The following NEDD4 variants were observed in gnomAD, a reference collection of about 807,000 sequenced individuals.
NEDD4 encodes NEDD4 E3 ubiquitin protein ligase.
Under a neutral mutation model 144.9 loss-of-function variants are expected in NEDD4, and 99 were observed. The ratio of observed to expected loss-of-function variants is 0.68; its 90% CI spans 0.58 to 0.81. The LOEUF (loss-of-function observed/expected upper bound fraction) is 0.81, where lower values mean the gene tolerates loss of function less well. NEDD4 is among the 30% of genes least tolerant of loss of function. The pLI, the probability that NEDD4 is intolerant of heterozygous loss-of-function variation, is 0.00. For synonymous variants in NEDD4, 318 were observed against 350.6 expected, an observed-to-expected ratio of 0.91 and a Z score of 1.04; for missense variants, 985 against 1,065.9, an observed-to-expected ratio of 0.92 and a Z score of 1.06.
chr15:55,976,070 TATCC>T (rs2037695048), intron 1 of NEDD4, among the ~76,000 whole-genome samples: 1 of 152,196 alleles, frequency 6.6e-6, no homozygotes, highest in Non-Finnish European at 1.5e-5. Context: ...GAAAACTGGA[TATCC>T]ATATATAGAA....
chr15:55,838,245 T>G lies in NEDD4; in HGVS notation c.2128-65A>C, dbSNP rs1238448528. 2.6e-6 allele frequency: 3 copies of G among 1,132,242 alleles called. No homozygotes were observed. In the Admixed American group the frequency reaches 7.8e-5, roughly 30 times the overall value. 70.1% of individuals were successfully genotyped at this position (1,132,242 alleles called of 1,614,324 possible). A position where few individuals can be genotyped will look rare whatever the true frequency, so the allele number is the denominator to read the frequency against. On this transcript the variant is annotated intron_variant, in intron 22 of 28. Coordinates refer to ENST00000435532, the MANE Select transcript of NEDD4 (RefSeq NM_006154.4). The stretch of plus-strand genomic sequence containing the variant: ...AGAAAAATTTAAAAAGTATACATAT[T>G]GTAGTTATACGAGAAACTTGGTGTT...
chr15:55,958,143 T>C (rs1407511663), intron 2 of NEDD4, among the ~76,000 whole-genome samples: 2 of 152,236 alleles, frequency 1.3e-5, no homozygotes, highest in African/African-American at 4.8e-5. Context: ...TGTCTTCTTT[T>C]ATTCTATTAA....
intron 5 of NEDD4, among the ~76,000 whole-genome samples, chr15:55,903,451 T>C (rs1221987360): frequency 1.3e-5 from 2 of 152,186 alleles, no homozygotes; most frequent in Non-Finnish European, 2.9e-5. Context: ...ATAATCACTA[T>C]CTCAGACAGT....
intron 13 of NEDD4, among the ~76,000 whole-genome samples, chr15:55,851,358 A>G (rs1411067125): frequency 2.6e-5 from 4 of 151,128 alleles, no homozygotes; most frequent in African/African-American, 9.7e-5. Flanking sequence ...TTACAGGGCC[A>G]CAACATCAAT....
chr15:55,915,183 G>A, intron 5 of NEDD4: 1 of 1,106,108 alleles, frequency 9.0e-7, no homozygotes, highest in East Asian at 2.6e-5. Context: ...TAAGGACCAG[G>A]AAAATATGTA....
chr15:55,895,542 CCTAAT>C (rs1184509543), intron 5 of NEDD4, among the ~76,000 whole-genome samples: 4 of 152,230 alleles, frequency 2.6e-5, no homozygotes, highest in African/African-American at 7.2e-5. Flanking sequence ...CTGTGCCCAA[CCTAAT>C]CTAGAGTTTC....
intron 2 of NEDD4, among the ~76,000 whole-genome samples, chr15:55,960,330 A>G (rs1451013142): frequency 6.6e-6 from 1 of 152,222 alleles, no homozygotes; most frequent in Non-Finnish European, 1.5e-5. Context: ...CCATCTAATC[A>G]GCTGCCAGGG....
Position 55,835,901 on chromosome 15 carries a change from T to C in NEDD4, c.2263-1615A>G, listed in dbSNP as rs114699141. ...CTTATTGGTTAATAGCCTTTAATGC[T>C]ACCTTCCTTCTCCCTCATTGAAATT... On this transcript the variant is annotated intron_variant, in intron 24 of 28. Coordinates refer to ENST00000435532, the MANE Select transcript of NEDD4 (RefSeq NM_006154.4). Among the ~76,000 whole-genome samples, 453 of 152,296 alleles carry C rather than the reference T, an allele frequency of 3.0e-3. 3 individuals are homozygous for C. Among genetic ancestry groups the C allele is most frequent in the African/African-American group, 0.01 (429 of 41,572 alleles).
intron 5 of NEDD4, chr15:55,915,878 A>G: frequency 6.2e-7 from 1 of 1,614,006 alleles, no homozygotes; most frequent in Non-Finnish European, 8.5e-7. Flanking sequence ...CTGTTGAAAG[A>G]AATCCTTTAG....
intron 5 of NEDD4, among the ~76,000 whole-genome samples, chr15:55,885,312 A>C (rs545555279): frequency 5.3e-5 from 8 of 152,338 alleles, no homozygotes; most frequent in African/African-American, 1.9e-4. Context: ...GGAGTTCTTC[A>C]GTCTGAAAGA....
At chr15:55,896,965 A>C (rs2035757386) in intron 5 of NEDD4, among the ~76,000 whole-genome samples, 1 of 151,932 alleles carries the variant, frequency 6.6e-6, no homozygotes, top group Admixed American at 6.6e-5. Context: ...TAAAATATTA[A>C]ATATGATTAT....
intron 4 of NEDD4, among the ~76,000 whole-genome samples, chr15:55,938,662 T>C (rs916725413): frequency 2.6e-5 from 4 of 151,830 alleles, no homozygotes; most frequent in Non-Finnish European, 5.9e-5. Flanking sequence ...ATCAACAAAG[T>C]GAAAAGGCAC....
At position 55,865,197 on chromosome 15, in the gene NEDD4, C is replaced by CAAA. The variant is rs34140490; in HGVS notation, c.508-2121_508-2119dup. On this transcript the variant is annotated intron_variant, in intron 8 of 28. Coordinates refer to ENST00000435532, the MANE Select transcript of NEDD4 (RefSeq NM_006154.4). ...TGGGCGATAGAGCAAGACTCTGTCT[C>CAAA]AAAAAAAAAAAAAAAAAAAAACTTT... 7.0e-4 allele frequency among the ~76,000 whole-genome samples: 59 copies of CAAA among 84,730 alleles called. 1 individual carries two copies. Among genetic ancestry groups the CAAA allele is most frequent in the African/African-American group, 2.0e-3 (41 of 20,312 alleles). 55.6% of individuals were successfully genotyped at this position (84,730 alleles called of 152,430 possible). A position where few individuals can be genotyped will look rare whatever the true frequency, so the allele number is the denominator to read the frequency against.
chr15:55,929,955 G>C (rs1225243980), intron 4 of NEDD4, among the ~76,000 whole-genome samples: 3 of 152,078 alleles, frequency 2.0e-5, no homozygotes, highest in Non-Finnish European at 4.4e-5. Flanking sequence ...AATTAAAATA[G>C]AAGTGCTTTA....
intron 2 of NEDD4, among the ~76,000 whole-genome samples, chr15:55,965,804 C>G (rs1313808518): frequency 6.6e-6 from 1 of 151,980 alleles, no homozygotes; most frequent in Non-Finnish European, 1.5e-5. Flanking sequence ...TGGGTTCAAG[C>G]GATTTCTGGA....
intron 18 of NEDD4, among the ~76,000 whole-genome samples, chr15:55,845,217 C>T (rs1440172755): frequency 6.6e-6 from 1 of 152,102 alleles, no homozygotes; most frequent in African/African-American, 2.4e-5. Context: ...ACCTTTGTTG[C>T]ATTCTGGGTA....
chr15:55,956,376 T>C (rs1167799817), intron 2 of NEDD4, among the ~76,000 whole-genome samples: 1 of 152,204 alleles, frequency 6.6e-6, no homozygotes, highest in Non-Finnish European at 1.5e-5. Flanking sequence ...CACGTAAACT[T>C]TGTGTAACCC....
intron 2 of NEDD4, among the ~76,000 whole-genome samples, chr15:55,955,064 A>G (rs558900415): frequency 6.7e-6 from 1 of 150,116 alleles, no homozygotes; most frequent in Middle Eastern, 3.4e-3. Flanking sequence ...AACGTTGCCC[A>G]GGCTGGAGTG....
intron 12 of NEDD4, among the ~76,000 whole-genome samples, chr15:55,855,288 A>G (rs1316554543): frequency 6.6e-6 from 1 of 152,182 alleles, no homozygotes; most frequent in Non-Finnish European, 1.5e-5. Context: ...TGCCATTCAA[A>G]GTTCCAGATG....
Sources: gnomAD v4.1 joint callset for allele counts (sites outside exome capture counted in the v4.1 genomes callset) on GRCh38, gnomAD v4.1.1 for gene constraint, MANE v1.5 for transcripts, NCBI Gene and HGNC (gene_info 2026-07-23, HGNC 2026-07-21) for gene names.